The following P4HA3 variants were observed in gnomAD, a reference collection of about 807,000 sequenced individuals.
P4HA3 encodes the protein prolyl 4-hydroxylase subunit alpha 3, also known as prolyl 4-hydroxylase subunit alpha-3.
In P4HA3, 60 loss-of-function variants were observed where a neutral mutation model predicts 66.7. The ratio of observed to expected loss-of-function variants is 0.90; its 90% CI spans 0.73 to 1.12. The LOEUF (loss-of-function observed/expected upper bound fraction) is 1.12, where lower values mean the gene tolerates loss of function less well. P4HA3 is among the 50% of genes most tolerant of loss of function. The pLI is 0.00. For synonymous variants in P4HA3, 263 were observed against 274.6 expected (o/e 0.96, Z 0.42); for missense variants, 683 against 685.8 (o/e 1.00, Z 0.05).
chr11:74,264,655 G>C (rs79023749), downstream of P4HA3, among the ~76,000 whole-genome samples: 1 of 152,140 alleles, frequency 6.6e-6, no homozygotes, highest in Non-Finnish European at 1.5e-5. Context: ...AACAAATGAG[G>C]CTTTCTCAAC....
chr11:74,298,519 G>T (rs534511841), intron 3 of P4HA3, among the ~76,000 whole-genome samples, 158 bp from the exon 4 acceptor site: 2 of 152,140 alleles, frequency 1.3e-5, no homozygotes, highest in Non-Finnish European at 2.9e-5. Context: ...TATATACAAC[G>T]CATTGTACTA....
At chr11:74,284,788 G>T (rs1467461876) in intron 7 of P4HA3, among the ~76,000 whole-genome samples, 1 of 152,092 alleles carries the variant, frequency 6.6e-6, no homozygotes, top group East Asian at 1.9e-4. Flanking sequence ...TCACATGGTA[G>T]TGGCTCCCCC....
At position 74,269,559 on chromosome 11, in the gene P4HA3, A is replaced by G. The variant is rs1180919248; in HGVS notation, c.1467+93T>C. On this transcript the variant is annotated intron_variant, in intron 11 of 12. Coordinates refer to ENST00000331597, the MANE Select transcript of P4HA3 (RefSeq NM_182904.5). ...AAGACCTCTTTTTGGCCCTCCTCCC[A>G]GGAATGGGCTTGCAAGCACAGACAG... 25 of 1,343,918 alleles carry G rather than the reference A, an allele frequency of 1.9e-5. No individual in the cohort carries two copies. In the East Asian group the frequency reaches 6.3e-4, roughly 34 times the overall value. The allele number at this position is 1,343,918 out of a possible 1,614,324, so 83.2% of individuals were successfully genotyped here. A position where few individuals can be genotyped will look rare whatever the true frequency, so the allele number is the denominator to read the frequency against.
chr11:74,289,972 C>T (rs1384867973), intron 4 of P4HA3, among the ~76,000 whole-genome samples: 2 of 152,144 alleles, frequency 1.3e-5, no homozygotes, highest in African/African-American at 2.4e-5. Context: ...AATGGGATTG[C>T]TGGGTCAAAT....
chr11:74,256,574 G>A (rs1466627087), intron 15 of P4HA3, among the ~76,000 whole-genome samples: 1 of 152,110 alleles, frequency 6.6e-6, no homozygotes, highest in Non-Finnish European at 1.5e-5. Context: ...TGGCTTTAAC[G>A]AGCACCTACT....
intron 8 of P4HA3, 91 bp downstream of exon 8, chr11:74,279,297 A>C (rs112525190): frequency 0.039 from 45,502 of 1,167,862 alleles, 1,063 homozygotes; most frequent in Middle Eastern, 0.086. Context: ...CCACCTCTGG[A>C]GGTCCCTGAA....
At chr11:74,311,311 G>T in intron 1 of P4HA3, 101 bp downstream of exon 1, 1 of 1,288,418 alleles carries the variant, frequency 7.8e-7, no homozygotes, top group South Asian at 1.7e-5. Context: ...CACGCAGCAT[G>T]ACAATGAGCC....
intron 1 of P4HA3, among the ~76,000 whole-genome samples, chr11:74,307,675 A>T (rs957891609): frequency 2.0e-5 from 3 of 152,178 alleles, no homozygotes; most frequent in African/African-American, 7.2e-5. Context: ...GGTTTCCTAA[A>T]TGTCTTTTTG....
chr11:74,251,300 A>G, intron 15 of P4HA3: 4 of 1,364,456 alleles, frequency 2.9e-6, no homozygotes, highest in Non-Finnish European at 3.8e-6. Flanking sequence ...AAAGCCAGAG[A>G]TGGAAGAGGG....
chr11:74,252,810 G>A (rs889886130), intron 15 of P4HA3, among the ~76,000 whole-genome samples: 4 of 152,132 alleles, frequency 2.6e-5, no homozygotes, highest in African/African-American at 9.7e-5. Flanking sequence ...ATCCTAGGTA[G>A]CTCTTCATCT....
intron 15 of P4HA3, chr11:74,251,223 A>G (rs1859650736): frequency 7.1e-7 from 1 of 1,406,554 alleles, no homozygotes; most frequent in African/African-American, 1.4e-5. Flanking sequence ...GGAGCTACTG[A>G]CACTCTGCTA....
intron 15 of P4HA3, chr11:74,250,867 G>T: frequency 8.5e-7 from 1 of 1,173,268 alleles, no homozygotes; most frequent in Admixed American, 2.0e-5. Flanking sequence ...GGGGAGGTAG[G>T]TCCTGGGCTC....
At chr11:74,252,770 T>G (rs1280082920) in intron 15 of P4HA3, among the ~76,000 whole-genome samples, 1 of 152,090 alleles carries the variant, frequency 6.6e-6, no homozygotes, top group Non-Finnish European at 1.5e-5. Context: ...CCTCTATTGG[T>G]CTAGAGGAAG....
intron 8 of P4HA3, among the ~76,000 whole-genome samples, chr11:74,278,992 C>T (rs1010372295): frequency 1.3e-5 from 2 of 152,126 alleles, no homozygotes; most frequent in African/African-American, 4.8e-5. Context: ...GTCTATTTGT[C>T]CTTCTGGTCT....
chr11:74,282,152 A>C (rs547832182), intron 7 of P4HA3, among the ~76,000 whole-genome samples: 32 of 150,908 alleles, frequency 2.1e-4, no homozygotes, highest in East Asian at 7.8e-4. Context: ...ACAAAAAAAA[A>C]CCCTAAGGAA....
chr11:74,269,461 G>C (rs908147908), intron 11 of P4HA3, among the ~76,000 whole-genome samples, 191 bp downstream of exon 11: 3 of 152,192 alleles, frequency 2.0e-5, no homozygotes, highest in African/African-American at 7.2e-5. Context: ...ATAACAAATA[G>C]AGGCACAAGT....
chr11:74,273,672 C>T, intron 9 of P4HA3, 65 bp from the exon 10 acceptor site: 1 of 1,305,532 alleles, frequency 7.7e-7, no homozygotes, highest in Non-Finnish European at 1.0e-6. Context: ...AGGCAGGATT[C>T]CACTATTAAT....
At chr11:74,280,947 A>G (rs1249175512) in intron 7 of P4HA3, among the ~76,000 whole-genome samples, 1 of 152,194 alleles carries the variant, frequency 6.6e-6, no homozygotes, top group Non-Finnish European at 1.5e-5. Context: ...GGCAACCTAC[A>G]AAATGGGAGA....
Position 74,267,235 on chromosome 11 carries a change from C to G in P4HA3, c.*13G>C. On this transcript the variant is annotated 3_prime_UTR_variant, in exon 13 of 13. Coordinates refer to ENST00000331597, the MANE Select transcript of P4HA3 (RefSeq NM_182904.5). ...AAGCCACAGGACTCCACCAGCTTCT[C>G]TCTGCCAACAGTTCAGTCTTCAGGG... The G allele has an allele frequency of 6.2e-7, 1 of 1,614,166 alleles. No individual in the cohort carries two copies. The highest frequency in any genetic ancestry group is 8.5e-7 in the Non-Finnish European group (1 of 1,180,036).
Sources: allele counts gnomAD v4.1 joint callset (sites outside exome capture counted in the v4.1 genomes callset), GRCh38; gene constraint gnomAD v4.1.1; transcripts MANE v1.5; gene names NCBI Gene and HGNC (gene_info 2026-07-23, HGNC 2026-07-21).